The following PTPRD variants were observed in gnomAD, a reference collection of about 807,000 sequenced individuals.
PTPRD encodes the protein protein tyrosine phosphatase receptor type D.
In PTPRD, 34 loss-of-function variants were observed where a neutral mutation model predicts 214.5. The ratio of observed to expected loss-of-function variants is 0.16; its 90% CI spans 0.12 to 0.21. The LOEUF is 0.21. Ranked by LOEUF, PTPRD falls within the 10% of genes least tolerant of loss-of-function variation. PTPRD has a pLI of 1.00. For synonymous variants in PTPRD, 1,128 were observed against 845.7 expected, an observed-to-expected ratio of 1.33 and a Z score of -5.79; for missense variants, 2,545 against 2,398.7, an observed-to-expected ratio of 1.06 and a Z score of -1.27.
At chr9:9,247,281 C>A (rs1594492540) in intron 9 of PTPRD, among the ~76,000 whole-genome samples, 2 of 152,092 alleles carry the variant, frequency 1.3e-5, no homozygotes, top group South Asian at 4.1e-4. Flanking sequence ...CTGGGTTTCC[C>A]AACTCAGTCT....
At chr9:10,024,506 T>C (rs912485121) in intron 4 of PTPRD, among the ~76,000 whole-genome samples, 7 of 152,186 alleles carry the variant, frequency 4.6e-5, no homozygotes, top group African/African-American at 1.7e-4. Flanking sequence ...TGCTGTGTTA[T>C]ATTCAGCACT....
At chr9:8,757,880 T>C (rs886166684) in intron 11 of PTPRD, among the ~76,000 whole-genome samples, 1 of 152,144 alleles carries the variant, frequency 6.6e-6, no homozygotes, top group East Asian at 1.9e-4. Context: ...TCTGATTTCC[T>C]TGGGATCTCT....
rs1365058128 is a variant in PTPRD at position 8,793,484 on chromosome 9, G to A, written c.-103-59538C>T. On this transcript the variant is annotated intron_variant, in intron 11 of 45. Transcript: ENST00000381196. ...AGAGACTCTGAGCCAGAACTACACA[G>A]ATTCCTGACCCTCAGAAAATATGAG... is the stretch of plus-strand genomic sequence containing the variant. 2.0e-5 allele frequency among the ~76,000 whole-genome samples: 3 copies of A among 152,186 alleles called. No homozygotes were observed. The East Asian group carries it at 5.8e-4, about 29-fold the overall frequency.
intron 12 of PTPRD, among the ~76,000 whole-genome samples, chr9:8,695,595 A>T (rs1455530996): frequency 6.6e-6 from 1 of 152,180 alleles, no homozygotes; most frequent in Non-Finnish European, 1.5e-5. Context: ...TAAGTTGCAT[A>T]AATGATTATA....
intron 3 of PTPRD, among the ~76,000 whole-genome samples, chr9:10,226,154 C>A (rs1044958103): frequency 6.6e-6 from 1 of 151,954 alleles, no homozygotes; most frequent in Non-Finnish European, 1.5e-5. Flanking sequence ...GATGGATGAT[C>A]CCCCCAAAAT....
intron 11 of PTPRD, among the ~76,000 whole-genome samples, chr9:8,899,970 C>T (rs2098653825): frequency 6.6e-6 from 1 of 152,140 alleles, no homozygotes; most frequent in African/African-American, 2.4e-5. Flanking sequence ...TTATTCCAAA[C>T]ATGCTTGAAC....
intron 3 of PTPRD, among the ~76,000 whole-genome samples, chr9:10,311,618 G>T (rs1470455799): frequency 6.6e-6 from 1 of 151,992 alleles, no homozygotes; most frequent in Non-Finnish European, 1.5e-5. Context: ...GCACCAAGCT[G>T]TTGTGAGAAC....
intron 3 of PTPRD, among the ~76,000 whole-genome samples, chr9:10,046,400 T>C (rs541716037): frequency 6.2e-4 from 94 of 151,972 alleles, no homozygotes; most frequent in Middle Eastern, 3.4e-3. Context: ...ATATTCAAAG[T>C]TGTTTCAGGG....
intron 7 of PTPRD, among the ~76,000 whole-genome samples, chr9:9,731,887 A>G (rs547205827): frequency 1.3e-5 from 2 of 152,312 alleles, no homozygotes; most frequent in East Asian, 3.9e-4. Flanking sequence ...AGTAAAGAGA[A>G]CAAGATGACA....
intron 10 of PTPRD, among the ~76,000 whole-genome samples, chr9:9,107,691 C>A (rs950259126): frequency 2.0e-5 from 3 of 152,160 alleles, no homozygotes; most frequent in African/African-American, 7.2e-5. Flanking sequence ...GAAAGTTTTT[C>A]ATCCACAAAT....
chr9:8,429,745 C>T (rs1204899538), intron 35 of PTPRD, among the ~76,000 whole-genome samples: 2 of 152,136 alleles, frequency 1.3e-5, no homozygotes, highest in Non-Finnish European at 2.9e-5. Flanking sequence ...TGGAGACAGT[C>T]CACATCCAGA....
intron 11 of PTPRD, among the ~76,000 whole-genome samples, chr9:9,015,409 G>A (rs556406655): frequency 7.9e-5 from 12 of 152,210 alleles, no homozygotes; most frequent in African/African-American, 2.2e-4. Context: ...TCCCACCAGC[G>A]CCATGACAGT....
intron 3 of PTPRD, among the ~76,000 whole-genome samples, chr9:10,237,186 A>G (rs1028922742): frequency 6.6e-6 from 1 of 151,792 alleles, no homozygotes; most frequent in African/African-American, 2.4e-5. Context: ...TGGTGTAGGA[A>G]GTATTGGGAA....
At chr9:9,629,712 G>A (rs1270048250) in intron 7 of PTPRD, among the ~76,000 whole-genome samples, 1 of 152,074 alleles carries the variant, frequency 6.6e-6, no homozygotes. Context: ...AAGAGGGTAA[G>A]GAGAGAGGAA....
intron 3 of PTPRD, among the ~76,000 whole-genome samples, chr9:10,335,145 G>A (rs1477750854): frequency 6.6e-6 from 1 of 151,638 alleles, no homozygotes; most frequent in Non-Finnish European, 1.5e-5. Context: ...TATAGAAGGA[G>A]AAGAACAAAG....
chr9:9,849,026 T>G (rs2060057992), intron 5 of PTPRD, among the ~76,000 whole-genome samples: 1 of 151,790 alleles, frequency 6.6e-6, no homozygotes, highest in Admixed American at 6.6e-5. Flanking sequence ...AAACAGGGTG[T>G]GTCTATGTAT....
intron 9 of PTPRD, among the ~76,000 whole-genome samples, chr9:9,276,576 G>A (rs1044948969): frequency 3.3e-5 from 5 of 151,274 alleles, no homozygotes. Flanking sequence ...GCCATATTCT[G>A]CTCCTGTGAC....
At chr9:8,869,436 CTTT>C (rs1045792240) in intron 11 of PTPRD, among the ~76,000 whole-genome samples, 43 of 152,050 alleles carry the variant, frequency 2.8e-4, no homozygotes, top group African/African-American at 1.0e-3. Flanking sequence ...TAAGAGATAT[CTTT>C]TAAGGCTCCT....
At chr9:9,980,630 A>C (rs1441836449) in intron 4 of PTPRD, among the ~76,000 whole-genome samples, 1 of 68,058 alleles carries the variant, frequency 1.5e-5, no homozygotes, top group Non-Finnish European at 3.0e-5. Context: ...AAAAAAAAAA[A>C]AAAACAAAAA....
Sources: allele counts gnomAD v4.1 joint callset (sites outside exome capture counted in the v4.1 genomes callset), GRCh38; gene constraint gnomAD v4.1.1; transcripts MANE v1.5; gene names NCBI Gene and HGNC (gene_info 2026-07-23, HGNC 2026-07-21).